The following UBE2E2 variants were observed in gnomAD, a reference collection of about 807,000 sequenced individuals.
UBE2E2 encodes the protein ubiquitin-conjugating enzyme E2 E2.
A neutral mutation model predicts 24.7 loss-of-function variants in UBE2E2; 6 were observed. That is an observed-to-expected ratio of 0.24 (90% CI 0.13 to 0.48). The LOEUF is 0.48. Among genes scored for constraint, UBE2E2 ranks in the 20% least tolerant of loss-of-function variants. The pLI, the probability that UBE2E2 is intolerant of heterozygous loss-of-function variation, is 0.99. For missense variants in UBE2E2, 169 were observed against 245.0 expected, an observed-to-expected ratio of 0.69 and a Z score of 2.07; for synonymous variants, 104 against 83.6, an observed-to-expected ratio of 1.24 and a Z score of -1.33.
At chr3:23,390,102 A>T (rs1206759249) in intron 3 of UBE2E2, among the ~76,000 whole-genome samples, 1 of 152,104 alleles carries the variant, frequency 6.6e-6, no homozygotes, top group African/African-American at 2.4e-5. Flanking sequence ...TTCTTCCAGG[A>T]GCCTGAACTA....
intron 5 of UBE2E2, among the ~76,000 whole-genome samples, chr3:23,549,737 A>G (rs1695601686): frequency 6.6e-6 from 1 of 152,118 alleles, no homozygotes; most frequent in Non-Finnish European, 1.5e-5. Flanking sequence ...TGAGATGTCT[A>G]AAAAAGGAAT....
At chr3:23,495,321 T>C (rs1699578413) in intron 3 of UBE2E2, among the ~76,000 whole-genome samples, 1 of 152,196 alleles carries the variant, frequency 6.6e-6, no homozygotes, top group African/African-American at 2.4e-5. Flanking sequence ...ATTGCCCTTC[T>C]TGGTGAGATA....
chr3:23,299,904 A>G (rs1487259827), intron 3 of UBE2E2, among the ~76,000 whole-genome samples: 2 of 152,130 alleles, frequency 1.3e-5, no homozygotes, highest in Non-Finnish European at 2.9e-5. Flanking sequence ...TCCCATTATT[A>G]GTGTGTGGGA....
At chr3:23,269,399 C>G (rs1698170418) in intron 3 of UBE2E2, among the ~76,000 whole-genome samples, 1 of 152,074 alleles carries the variant, frequency 6.6e-6, no homozygotes. Context: ...GCGTTAAAAG[C>G]TAAACTCCAA....
chr3:23,421,824 A>T (rs1229486742), intron 3 of UBE2E2, among the ~76,000 whole-genome samples: 1 of 152,248 alleles, frequency 6.6e-6, no homozygotes. Context: ...AATAAGAGTC[A>T]TTAGAGACTC....
At chr3:23,410,082 G>A (rs1327942406) in intron 3 of UBE2E2, among the ~76,000 whole-genome samples, 2 of 152,162 alleles carry the variant, frequency 1.3e-5, no homozygotes, top group East Asian at 1.9e-4. Context: ...GAGGGACACA[G>A]TTCAACCCAG....
chr3:23,205,224 C>A (rs1190929938), intron 1 of UBE2E2, among the ~76,000 whole-genome samples: 1 of 152,168 alleles, frequency 6.6e-6, no homozygotes, highest in Admixed American at 6.5e-5. Context: ...GCGTATTTAT[C>A]TCTCTCAATA....
chr3:23,216,538 T>A (rs1296833887), intron 2 of UBE2E2, among the ~76,000 whole-genome samples: 8 of 152,146 alleles, frequency 5.3e-5, no homozygotes, highest in Non-Finnish European at 1.0e-4. Context: ...TTTAATAAGG[T>A]ATGAATGATA....
intron 3 of UBE2E2, among the ~76,000 whole-genome samples, chr3:23,252,093 ATTAG>A (rs1697590419): frequency 1.3e-5 from 2 of 152,234 alleles, no homozygotes; most frequent in Admixed American, 1.3e-4. Flanking sequence ...CAACAAAAAA[ATTAG>A]TTAAACTGGA....
rs75872459 is a variant in UBE2E2, at chr3:23,368,628, C to G, written c.228-130980C>G. Among the ~76,000 whole-genome samples, 227 of 152,192 alleles carry G rather than the reference C, an allele frequency of 1.5e-3. 5 individuals are homozygous for G. In the East Asian group the frequency reaches 0.035, roughly 24 times the overall value. On this transcript the variant is annotated intron_variant, in intron 3 of 5. Transcript: ENST00000396703. ...TACTTTTCTATGTTATTATTTCTAT[C>G]TGTATTATTAATGCAGTGGGTGTTA...
intron 3 of UBE2E2, among the ~76,000 whole-genome samples, chr3:23,400,763 G>A (rs1697203847): frequency 6.6e-6 from 1 of 151,844 alleles, no homozygotes; most frequent in African/African-American, 2.4e-5. Context: ...CTTTTTAATA[G>A]GCCAGACTTC....
At chr3:23,548,795 C>G (rs1238023328) in intron 5 of UBE2E2, among the ~76,000 whole-genome samples, 1 of 152,118 alleles carries the variant, frequency 6.6e-6, no homozygotes, top group Non-Finnish European at 1.5e-5. Flanking sequence ...TTAAGAGTAG[C>G]TTTATTTATT....
At chr3:23,242,490 T>G (rs1162087040) in intron 3 of UBE2E2, among the ~76,000 whole-genome samples, 1 of 150,796 alleles carries the variant, frequency 6.6e-6, no homozygotes, top group Non-Finnish European at 1.5e-5. Flanking sequence ...TTTAAATTGT[T>G]TCTACAATCT....
chr3:23,372,934 A>T (rs1696432393), intron 3 of UBE2E2, among the ~76,000 whole-genome samples: 2 of 152,160 alleles, frequency 1.3e-5, no homozygotes, highest in African/African-American at 2.4e-5. Flanking sequence ...AGAATCTGTT[A>T]TGACTGAGAC....
intron 3 of UBE2E2, among the ~76,000 whole-genome samples, chr3:23,458,847 C>T (rs1327012906): frequency 6.6e-6 from 1 of 152,046 alleles, no homozygotes; most frequent in Non-Finnish European, 1.5e-5. Context: ...TTTCTTGACA[C>T]CTGATTGTCA....
intron 3 of UBE2E2, among the ~76,000 whole-genome samples, chr3:23,444,279 G>A (rs141216756): frequency 9.1e-4 from 139 of 152,166 alleles, no homozygotes; most frequent in Non-Finnish European, 1.6e-3. Flanking sequence ...CCCCCATTGT[G>A]TAGCTGCAGT....
rs146326144 is a variant in UBE2E2 at position 23,360,140 on chromosome 3, G to A, written c.228-139468G>A. 3.5e-3 allele frequency among the ~76,000 whole-genome samples: 528 copies of A among 152,284 alleles called. 2 individuals carry two copies. Among genetic ancestry groups the A allele is most frequent in the Non-Finnish European group, 5.8e-3 (393 of 68,022 alleles). ...AGATGAATTTTTATAAAGGGCCTAA[G>A]TATTTGAATATTACTGTAAGACATC... On this transcript the variant is annotated intron_variant, in intron 3 of 5. Coordinates refer to ENST00000396703, the MANE Select transcript of UBE2E2 (RefSeq NM_152653.4).
At chr3:23,480,814 T>C (rs190868932) in intron 3 of UBE2E2, among the ~76,000 whole-genome samples, 16 of 152,292 alleles carry the variant, frequency 1.1e-4, no homozygotes, top group Non-Finnish European at 1.3e-4. Flanking sequence ...GAAAGGGCCT[T>C]ATATGTAGCA....
intron 3 of UBE2E2, among the ~76,000 whole-genome samples, chr3:23,376,905 C>T (rs139846570): frequency 1.2e-4 from 19 of 152,210 alleles, no homozygotes; most frequent in African/African-American, 4.3e-4. Flanking sequence ...GGGAGGGGTA[C>T]CACTGTCACA....
Sources: allele counts gnomAD v4.1 joint callset (sites outside exome capture counted in the v4.1 genomes callset), GRCh38; gene constraint gnomAD v4.1.1; transcripts MANE v1.5; gene names NCBI Gene and HGNC (gene_info 2026-07-23, HGNC 2026-07-21).